Variants in EPS15 observed in about 807,000 individuals in gnomAD.
EPS15 encodes the protein epidermal growth factor receptor substrate 15.
Under a neutral mutation model 113.8 loss-of-function variants are expected in EPS15, and 72 were observed. The ratio of observed to expected loss-of-function variants is 0.63; its 90% CI spans 0.52 to 0.77. EPS15 has a LOEUF of 0.77. Among genes scored for constraint, EPS15 ranks in the 30% least tolerant of loss-of-function variants. The pLI is 0.00. For missense variants in EPS15, 1,048 were observed against 1,045.8 expected (o/e 1.00, Z -0.03); for synonymous variants, 344 against 363.4 (o/e 0.95, Z 0.61).
chr1:51,426,651 T>G (rs1018087523), intron 12 of EPS15, among the ~76,000 whole-genome samples: 2 of 151,674 alleles, frequency 1.3e-5, no homozygotes, highest in Non-Finnish European at 2.9e-5. Context: ...CTTGATGGCA[T>G]TAAGAAAAGA....
chr1:51,394,446 A>T lies in EPS15; in HGVS notation c.2054T>A (p.Val685Glu), dbSNP rs561650863. ...AGGATCATTGTGCTTCAACGTTTCT[A>T]CCTAAACAAAGCATACAAAACCATG... The part of the protein sequence containing the change: ...SAANNSSITS[V>E]ETLKHNDPFA... Residue 685 changes from valine to glutamate, a missense_variant and splice_region_variant, in exon 21 of 25, where the codon GTA becomes GAA. Physicochemically the swap from Val to Glu is moderately radical, Grantham distance 121. Transcript: ENST00000371733. 9 of 1,597,118 alleles carry T rather than the reference A, an allele frequency of 5.6e-6. No homozygotes were observed. The African/African-American group carries it at 9.4e-5, about 17-fold the overall frequency.
intron 1 of EPS15, among the ~76,000 whole-genome samples, chr1:51,497,948 G>C (rs1644353388): frequency 6.7e-6 from 1 of 149,416 alleles, no homozygotes; most frequent in Non-Finnish European, 1.5e-5. Context: ...CTGCACTCCA[G>C]CCTGGCGACA....
At chr1:51,406,195 G>T in intron 15 of EPS15, 87 bp from the exon 16 acceptor site, 2 of 1,112,366 alleles carry the variant, frequency 1.8e-6, no homozygotes, top group Non-Finnish European at 2.6e-6. Context: ...TTCCTGACGG[G>T]CTAGGTGTGG....
chr1:51,380,502 T>C (rs1343401386), intron 21 of EPS15, among the ~76,000 whole-genome samples: 1 of 152,156 alleles, frequency 6.6e-6, no homozygotes, highest in Admixed American at 6.5e-5. Flanking sequence ...TAGACTGTTA[T>C]AATTGTAGGA....
chr1:51,480,146 G>C (rs1444340414), intron 2 of EPS15, among the ~76,000 whole-genome samples: 1 of 152,124 alleles, frequency 6.6e-6, no homozygotes, highest in Non-Finnish European at 1.5e-5. Flanking sequence ...CTCCTGATTT[G>C]CAAGTCAAAA....
chr1:51,369,611 C>T (rs986725478), intron 21 of EPS15, among the ~76,000 whole-genome samples: 2 of 152,178 alleles, frequency 1.3e-5, no homozygotes, highest in African/African-American at 4.8e-5. Context: ...TTTCAGCATA[C>T]TTCTTTAACA....
intron 2 of EPS15, among the ~76,000 whole-genome samples, chr1:51,476,430 G>A (rs943162652): frequency 1.3e-5 from 2 of 151,898 alleles, no homozygotes; most frequent in Non-Finnish European, 2.9e-5. Context: ...TCTTGGGAGC[G>A]TGTATGTGTT....
intron 10 of EPS15, among the ~76,000 whole-genome samples, chr1:51,445,377 T>A (rs1652952773): frequency 6.6e-6 from 1 of 152,206 alleles, no homozygotes; most frequent in Non-Finnish European, 1.5e-5. Context: ...TTTTTAACAT[T>A]AAAAGATATT....
rs151315772 is a variant in EPS15 at position 51,458,901 on chromosome 1, G to A, written c.561+2190C>T. The A allele has an allele frequency of 9.6e-4, 153 of 158,636 alleles. 1 individual carries two copies. The highest frequency in any genetic ancestry group is 2.3e-3 in the East Asian group (12 of 5,226). The allele number at this position is 158,636 out of a possible 1,614,324, so 9.8% of individuals were successfully genotyped here. A position where few individuals can be genotyped will look rare whatever the true frequency, so the allele number is the denominator to read the frequency against. ...ATCATCACCGAAATCTCTTCAGCAC[G>A]GCCCCATTCCCAAAAGCATCCCACA... On this transcript the variant is annotated intron_variant, in intron 8 of 24. Transcript: ENST00000371733.
At chr1:51,449,536 A>G (rs781102403) in intron 8 of EPS15, among the ~76,000 whole-genome samples, 1 of 152,006 alleles carries the variant, frequency 6.6e-6, no homozygotes, top group Non-Finnish European at 1.5e-5. Context: ...CAATTTACCT[A>G]TATAACAAAC....
chr1:51,472,158 C>A (rs1655287532), intron 3 of EPS15, among the ~76,000 whole-genome samples: 5 of 152,050 alleles, frequency 3.3e-5, no homozygotes, highest in Admixed American at 3.3e-4. Context: ...ATACTAAGGC[C>A]CAATGAGGGT....
At chr1:51,474,763 T>C (rs1438375257) in intron 2 of EPS15, among the ~76,000 whole-genome samples, 1 of 152,000 alleles carries the variant, frequency 6.6e-6, no homozygotes, top group African/African-American at 2.4e-5. Flanking sequence ...ACATGTGCCA[T>C]GCTGGTGTGC....
chr1:51,397,728 G>A (rs1315927714), intron 20 of EPS15, among the ~76,000 whole-genome samples: 3 of 152,056 alleles, frequency 2.0e-5, no homozygotes, highest in Non-Finnish European at 2.9e-5. Context: ...CAAAAAAGAA[G>A]CAACTTTCAA....
intron 1 of EPS15, among the ~76,000 whole-genome samples, chr1:51,496,889 T>A (rs891997273): frequency 6.6e-6 from 1 of 152,228 alleles, no homozygotes; most frequent in Admixed American, 6.5e-5. Context: ...ATCTAATGTC[T>A]ACTATGTGAC....
chr1:51,439,118 C>G (rs1055059488), intron 12 of EPS15, among the ~76,000 whole-genome samples: 5 of 151,968 alleles, frequency 3.3e-5, no homozygotes, highest in Non-Finnish European at 7.4e-5. Context: ...AGGAGAAAGT[C>G]TATCTGAGAA....
intron 21 of EPS15, among the ~76,000 whole-genome samples, chr1:51,376,924 A>G (rs80189605): frequency 0.053 from 8,057 of 152,212 alleles, 688 homozygotes; most frequent in African/African-American, 0.18. Context: ...GGCAAAGTAC[A>G]CTGAAAACCT....
chr1:51,481,344 T>A, intron 1 of EPS15, 30 bp from the exon 2 acceptor site: 1 of 951,628 alleles, frequency 1.1e-6, no homozygotes, highest in Non-Finnish European at 1.7e-6. Flanking sequence ...AAAAATTAGA[T>A]GCTATTCATT....
chr1:51,460,912 C>T (rs889752397), intron 8 of EPS15, 179 bp downstream of exon 8: 13 of 487,964 alleles, frequency 2.7e-5, no homozygotes, highest in Non-Finnish European at 4.1e-5. Flanking sequence ...CAAGATTGTG[C>T]CACTGCACTC....
chr1:51,418,104 T>C (rs1446144407), intron 13 of EPS15, among the ~76,000 whole-genome samples: 1 of 152,154 alleles, frequency 6.6e-6, no homozygotes, highest in African/African-American at 2.4e-5. Context: ...AGCCAAGTTT[T>C]TTCAATAAGA....
Sources: allele counts gnomAD v4.1 joint callset (sites outside exome capture counted in the v4.1 genomes callset), GRCh38; gene constraint gnomAD v4.1.1; transcripts MANE v1.5; gene names NCBI Gene and HGNC (gene_info 2026-07-23, HGNC 2026-07-21).